The following EIF3B variants were observed in gnomAD, a reference collection of about 807,000 sequenced individuals.
The protein encoded by EIF3B is eukaryotic translation initiation factor 3 subunit 9.
Under a neutral mutation model 104.6 loss-of-function variants are expected in EIF3B, and 10 were observed. The observed-to-expected ratio is 0.10, with a 90% CI of 0.06 to 0.16. The LOEUF is 0.16. Among genes scored for constraint, EIF3B ranks in the 10% least tolerant of loss-of-function variants. The pLI is 1.00. For missense variants in EIF3B, 1,014 were observed against 1,087.9 expected, an observed-to-expected ratio of 0.93 and a Z score of 0.96; for synonymous variants, 542 against 417.2, an observed-to-expected ratio of 1.30 and a Z score of -3.65.
In EIF3B at chr7:2,380,504, C is replaced by T. The variant is rs139942907; in HGVS notation, c.*315C>T. On this transcript the variant is annotated 3_prime_UTR_variant, in exon 19 of 19. Coordinates refer to ENST00000360876, the MANE Select transcript of EIF3B (RefSeq NM_001037283.2). ...CTGTTGGAACCGCCGGCGTTGGCTCCGAAGACTTAGCGACGCCACTGGCGG... is the reference window on the plus strand; with the variant it reads ...CTGTTGGAACCGCCGGCGTTGGCTCTGAAGACTTAGCGACGCCACTGGCGG... 1,226 of 469,898 alleles carry T rather than the reference C, an allele frequency of 2.6e-3. 4 individuals are homozygous for T. The highest frequency in any genetic ancestry group is 7.6e-3 in the South Asian group (480 of 63,464). The allele number at this position is 469,898 out of a possible 1,614,324, so 29.1% of individuals were successfully genotyped here. A position where few individuals can be genotyped will look rare whatever the true frequency, so the allele number is the denominator to read the frequency against.
upstream of EIF3B, chr7:2,354,425 C>T (rs1319628877): frequency 1.3e-5 from 2 of 152,236 alleles, no homozygotes; most frequent in Non-Finnish European, 2.9e-5. Context: ...TGAGCAATCG[C>T]CTGTTGAGTC....
chr7:2,358,033 C>T (rs1779545686), intron 1 of EIF3B, among the ~76,000 whole-genome samples: 1 of 151,756 alleles, frequency 6.6e-6, no homozygotes. Flanking sequence ...TTCTCTTGTT[C>T]GTCTCAATTT....
At chr7:2,375,813 G>A (rs897945532) in intron 14 of EIF3B, among the ~76,000 whole-genome samples, 7 of 152,176 alleles carry the variant, frequency 4.6e-5, no homozygotes, top group African/African-American at 1.2e-4. Context: ...GAGAGGAGTC[G>A]TTTCCTTTGA....
In EIF3B at chr7:2,363,063, TCTC is replaced by T. The variant is rs1455190428; in HGVS notation, c.813-5_813-3del. On this transcript the variant is annotated splice_region_variant and splice_polypyrimidine_tract_variant and intron_variant, in intron 3 of 18. Transcript: ENST00000360876. ...CGTGGGGCTCAGCAGTCTCCTTTCT[TCTC>T]CAGGTATATGACGATCAGTGACGAG... is the stretch of plus-strand genomic sequence containing the variant. 9 of 1,613,898 alleles carry T rather than the reference TCTC, an allele frequency of 5.6e-6. No individual in the cohort carries two copies. In the South Asian group the frequency reaches 8.8e-5, roughly 16 times the overall value.
At chr7:2,366,625 C>T (rs756534645) in intron 8 of EIF3B, 34 bp downstream of exon 8, 48 of 1,611,820 alleles carry the variant, frequency 3.0e-5, no homozygotes, top group East Asian at 4.5e-5. Context: ...ACGCCCCGTC[C>T]GGTCCTTGCT....
intron 8 of EIF3B, 128 bp from the exon 9 acceptor site, chr7:2,366,871 C>A: frequency 2.9e-6 from 3 of 1,017,644 alleles, no homozygotes; most frequent in African/African-American, 1.6e-5. Context: ...TTCACTGTCA[C>A]GCTCTGTGTG....
At chr7:2,379,303 GCCCGCGGACT>G (rs1780866294) in intron 17 of EIF3B, 61 bp downstream of exon 17, 5 of 1,561,046 alleles carry the variant, frequency 3.2e-6, no homozygotes, top group Non-Finnish European at 4.4e-6. Flanking sequence ...GGGCCCTGGT[GCCCGCGGACT>G]CCTGCGTTCC....
Position 2,378,774 on chromosome 7 carries a change from T to G in EIF3B, c.2232+8T>G, listed in dbSNP as rs1313914965. 6.2e-7 allele frequency: 1 copy of G among 1,612,374 alleles called. No homozygotes were observed. The highest frequency in any genetic ancestry group is 8.5e-7 in the Non-Finnish European group (1 of 1,178,748). On this transcript the variant is annotated splice_region_variant and intron_variant, in intron 16 of 18. Coordinates refer to ENST00000360876, the MANE Select transcript of EIF3B (RefSeq NM_001037283.2). ...CAGTCCAAAGCCTCAAAGGTGAGCC[T>G]CATTCCCAAAATGAGGGCTGTGCTG...
chr7:2,363,756 G>A lies in EIF3B; in HGVS notation c.995G>A (p.Arg332Lys). The A allele has an allele frequency of 6.2e-7, 1 of 1,613,224 alleles. No homozygotes were observed. Among genetic ancestry groups the A allele is most frequent in the Non-Finnish European group, 8.5e-7 (1 of 1,179,796 alleles). The change falls in exon 5 of 19, where the codon AGA (arginine) becomes AAA (lysine). Residue 332 changes from arginine to lysine, a missense_variant. Around this residue, in one of 4 missense-constraint regions of EIF3B, gnomAD observed 201 missense variants for 240.7 expected, o/e 0.83. Coordinates refer to ENST00000360876, the MANE Select transcript of EIF3B (RefSeq NM_001037283.2). ...AAAGACCCTGTCTCAATTGAAGAAA[G>A]AGCGGTGTGTATTTGCTGCTGCTGG... The part of the protein sequence containing the change: ...DVKDPVSIEE[R>K]ARWTETYVRW...
At chr7:2,378,433 C>T (rs1435558752) in intron 15 of EIF3B, 33 of 228,414 alleles carry the variant, frequency 1.4e-4, no homozygotes, top group African/African-American at 1.1e-3. Flanking sequence ...AAGGAGCAGG[C>T]GCGAGCGCTC....
At chr7:2,358,198 C>T (rs981933315) in intron 1 of EIF3B, among the ~76,000 whole-genome samples, 1 of 152,154 alleles carries the variant, frequency 6.6e-6, no homozygotes, top group African/African-American at 2.4e-5. Flanking sequence ...ATTTTCCTGC[C>T]TCAGCCTCCC....
chr7:2,363,076 G>A lies in EIF3B; in HGVS notation c.819G>A (p.Met273Ile). The A allele has an allele frequency of 6.2e-7, 1 of 1,614,066 alleles. No individual in the cohort carries two copies. The highest frequency in any genetic ancestry group is 1.1e-5 in the South Asian group (1 of 91,086). Residue 273 changes from methionine (M) to isoleucine (I), a missense_variant, in exon 4 of 19, where the codon ATG (methionine) becomes ATA (isoleucine). Met to Ile is a conservative substitution (Grantham distance 10). Transcript: ENST00000360876. Reference sequence around the variant, plus strand: ...AGTCTCCTTTCTTCTCCAGGTATATGACGATCAGTGACGAGTGGGATATTC... The same window carrying A: ...AGTCTCCTTTCTTCTCCAGGTATATAACGATCAGTGACGAGTGGGATATTC... ...VNLFTDFDKY[M>I]TISDEWDIPE...
intron 9 of EIF3B, among the ~76,000 whole-genome samples, chr7:2,368,159 T>C (rs1437549821): frequency 6.6e-6 from 1 of 151,948 alleles, no homozygotes; most frequent in Non-Finnish European, 1.5e-5. Context: ...TAAATCTTTT[T>C]TGAGACAGAG....
At chr7:2,375,266 C>T in intron 13 of EIF3B, 123 bp from the exon 14 acceptor site, 1 of 1,273,796 alleles carries the variant, frequency 7.9e-7, no homozygotes, top group Non-Finnish European at 1.1e-6. Flanking sequence ...TGTTGCTGTG[C>T]TTGTTTCCAT....
At chr7:2,378,591 A>G (rs550967997) in intron 15 of EIF3B, 98 bp from the exon 16 acceptor site, 10 of 1,048,990 alleles carry the variant, frequency 9.5e-6, no homozygotes, top group Admixed American at 7.7e-5. Context: ...TGTTCTGTGA[A>G]TGGCTTTGGG....
At chr7:2,368,406 T>G (rs919153205) in intron 9 of EIF3B, among the ~76,000 whole-genome samples, 3 of 152,202 alleles carry the variant, frequency 2.0e-5, no homozygotes, top group East Asian at 1.9e-4. Context: ...CGCCTCAGCC[T>G]CTCAAAGTGC....
intron 9 of EIF3B, 103 bp downstream of exon 9, chr7:2,367,148 A>T (rs1165969803): frequency 8.9e-7 from 1 of 1,122,776 alleles, no homozygotes; most frequent in Non-Finnish European, 1.3e-6. Flanking sequence ...GTGGCTTATG[A>T]CAGCTGAGAT....
At chr7:2,355,839 G>C (rs1482152924) in intron 1 of EIF3B, among the ~76,000 whole-genome samples, 1 of 152,178 alleles carries the variant, frequency 6.6e-6, no homozygotes, top group Non-Finnish European at 1.5e-5. Flanking sequence ...CCCAAGGTCT[G>C]GATCGGAGGA....
chr7:2,372,759 T>C lies in EIF3B; in HGVS notation c.1774T>C (p.Tyr592His), dbSNP rs1182782020. 1 of 1,614,174 alleles carries C rather than the reference T, an allele frequency of 6.2e-7. No homozygotes were observed. Among genetic ancestry groups the C allele is most frequent in the East Asian group, 2.2e-5 (1 of 44,888 alleles). ...GEAPRISVSFYHVKNNGKIEL... is the reference protein window; with the variant it reads ...GEAPRISVSFHHVKNNGKIEL... ...GGCTCCGCGGATATCTGTGTCTTTCTACCACGTCAAAAACAACGGGAAGAT... is the reference window on the plus strand; with the variant it reads ...GGCTCCGCGGATATCTGTGTCTTTCCACCACGTCAAAAACAACGGGAAGAT... The change falls in exon 12 of 19, where the codon TAC becomes CAC. Residue 592 changes from tyrosine to histidine, a missense_variant. This residue lies in a region of EIF3B where 266 missense variants were observed against 324.0 expected (regional missense o/e 0.82). Coordinates refer to ENST00000360876, the MANE Select transcript of EIF3B (RefSeq NM_001037283.2).
Sources: allele counts gnomAD v4.1 joint callset (sites outside exome capture counted in the v4.1 genomes callset), GRCh38; gene constraint gnomAD v4.1.1; regional missense constraint gnomAD v4.1.1; transcripts MANE v1.5; gene names NCBI Gene and HGNC (gene_info 2026-07-23, HGNC 2026-07-21).